BRIP1: variants seen among roughly 807,000 people sequenced by gnomAD.
BRIP1 encodes Fanconi anemia group J protein.
BRIP1 carries 88 observed loss-of-function variants against 119.7 expected under a neutral mutation model. The ratio of observed to expected loss-of-function variants is 0.74; its 90% CI spans 0.62 to 0.88. The LOEUF (loss-of-function observed/expected upper bound fraction) is 0.88. Ranked by LOEUF, BRIP1 falls within the 40% of genes least tolerant of loss-of-function variation. The pLI is 0.00. For missense variants in BRIP1, 1,259 were observed against 1,455.4 expected (o/e 0.87, Z 2.20); for synonymous variants, 443 against 496.5 (o/e 0.89, Z 1.43).
rs1189266014 is a variant in BRIP1, at chr17:61,810,336, C to T, written c.628-1579G>A. 6.6e-6 allele frequency among the ~76,000 whole-genome samples: 1 copy of T among 152,164 alleles called. No individual in the cohort carries two copies. The highest frequency in any genetic ancestry group is 1.5e-5 in the Non-Finnish European group (1 of 68,024). On this transcript the variant is annotated intron_variant, in intron 6 of 19. Transcript: ENST00000259008. This position sits in a 1 kb window ranked among gnomAD's most constrained non-coding sequence, Gnocchi z 4.7. ...ATATGTTGCAATATCCAACAATTTA[C>T]GGTCACAGAGAAAATGGAATGCAAA...
rs1396154767 is a variant in BRIP1, at chr17:61,726,439, C to T, written c.2380-10376G>A. ...TTGCTGCATGGTATGTGAAATAAGC[C>T]ATAAGGCTGTGGAGGCCATATAGTC... On this transcript the variant is annotated intron_variant, in intron 16 of 19. Coordinates refer to ENST00000259008, the MANE Select transcript of BRIP1 (RefSeq NM_032043.3). The surrounding 1 kb of genome is among the most constrained non-coding windows in gnomAD (Gnocchi z 6.2). 6.6e-6 allele frequency among the ~76,000 whole-genome samples: 1 copy of T among 152,140 alleles called. No individual in the cohort carries two copies. Among genetic ancestry groups the T allele is most frequent in the Non-Finnish European group, 1.5e-5 (1 of 68,022 alleles).
chr17:61,780,532 A>T lies in BRIP1; in HGVS notation c.1795-131T>A. The T allele has an allele frequency of 1.2e-6, 1 of 852,722 alleles. No individual in the cohort carries two copies. Among genetic ancestry groups the T allele is most frequent in the Non-Finnish European group, 1.9e-6 (1 of 525,398 alleles). 52.8% of individuals were successfully genotyped at this position (852,722 alleles called of 1,614,324 possible). On this transcript the variant is annotated intron_variant, in intron 12 of 19. Transcript: ENST00000259008. This position sits in a 1 kb window ranked among gnomAD's most constrained non-coding sequence, Gnocchi z 5.4. ...CGCTTGAGTCTAGGAGTCTGAGACC[A>T]GCCTGGGCAATATGGTGAAACCCCG...
rs771660599 is a variant in BRIP1, at chr17:61,834,377, G to A, written c.627+12724C>T. ...CCTGATTGCAGGAGTGAGCCACCACGCTCGGCCCAATAATTACGATTTTTT... is the reference window on the plus strand; with the variant it reads ...CCTGATTGCAGGAGTGAGCCACCACACTCGGCCCAATAATTACGATTTTTT... On this transcript the variant is annotated intron_variant, in intron 6 of 19. Transcript: ENST00000259008. This position sits in a 1 kb window ranked among gnomAD's most constrained non-coding sequence, Gnocchi z 4.4. Among the ~76,000 whole-genome samples, 16 of 151,998 alleles carry A rather than the reference G, an allele frequency of 1.1e-4. No homozygotes were observed. The highest frequency in any genetic ancestry group is 1.8e-4 in the Non-Finnish European group (12 of 67,998).
rs864622767 is a variant in BRIP1 at position 61,744,601 on chromosome 17, G to A, written c.2098-10C>T. ...TTAATTTTTCTAATAACTAAAGAGGGGAAAGAAAAAAATGATTTTTTGTGT... is the reference window on the plus strand; with the variant it reads ...TTAATTTTTCTAATAACTAAAGAGGAGAAAGAAAAAAATGATTTTTTGTGT... On this transcript the variant is annotated splice_polypyrimidine_tract_variant and intron_variant, in intron 14 of 19. Transcript: ENST00000259008. This position sits in a 1 kb window ranked among gnomAD's most constrained non-coding sequence, Gnocchi z 5.0. 1.9e-6 allele frequency: 3 copies of A among 1,610,862 alleles called. No homozygotes were observed. The highest frequency in any genetic ancestry group is 2.5e-6 in the Non-Finnish European group (3 of 1,177,546).
intron 6 of BRIP1, among the ~76,000 whole-genome samples, chr17:61,819,805 CTT>C (rs1447549514): frequency 1.3e-5 from 2 of 151,988 alleles, no homozygotes; most frequent in East Asian, 1.9e-4. Flanking sequence ...ATAAATAAGA[CTT>C]AGTATTTGCT....
intron 6 of BRIP1, among the ~76,000 whole-genome samples, chr17:61,840,170 C>A (rs1406763689): frequency 1.3e-5 from 2 of 151,868 alleles, no homozygotes; most frequent in Admixed American, 6.6e-5. Context: ...GCCAGCCTGG[C>A]CAACATGGTG....
Position 61,746,423 on chromosome 17 carries a change from TAAA to T in BRIP1, c.2098-1835_2098-1833del, listed in dbSNP as rs1362922647. 6.6e-6 allele frequency among the ~76,000 whole-genome samples: 1 copy of T among 152,056 alleles called. No homozygotes were observed. The highest frequency in any genetic ancestry group is 1.9e-4 in the East Asian group (1 of 5,186). ...AAAAGATATAAAGTAGCTGGATAGA[TAAA>T]AACGCTGTCTGCAAGTGACTCACTT... On this transcript the variant is annotated intron_variant, in intron 14 of 19. Coordinates refer to ENST00000259008, the MANE Select transcript of BRIP1 (RefSeq NM_032043.3). This position sits in a 1 kb window ranked among gnomAD's most constrained non-coding sequence, Gnocchi z 4.9.
rs938642056 is a variant in BRIP1 at position 61,823,189 on chromosome 17, G to A, written c.628-14432C>T. On this transcript the variant is annotated intron_variant, in intron 6 of 19. Coordinates refer to ENST00000259008, the MANE Select transcript of BRIP1 (RefSeq NM_032043.3). This position sits in a 1 kb window ranked among gnomAD's most constrained non-coding sequence, Gnocchi z 4.8. The stretch of plus-strand genomic sequence containing the variant: ...TCTGGCTTATAGTAGTTTTCACTTA[G>A]AACAATGCATATATTTGTTTAAGTT... 8.5e-5 allele frequency among the ~76,000 whole-genome samples: 13 copies of A among 152,152 alleles called. No individual in the cohort carries two copies. The highest frequency in any genetic ancestry group is 3.2e-3 in the Middle Eastern group (1 of 316).
At position 61,805,475 on chromosome 17, in the gene BRIP1, T is replaced by C. The variant is rs532665738; in HGVS notation, c.918+2992A>G. On this transcript the variant is annotated intron_variant, in intron 7 of 19. Transcript: ENST00000259008. This position sits in a 1 kb window ranked among gnomAD's most constrained non-coding sequence, Gnocchi z 5.6. ...CTTCTCCCTACCTCAATGCCATCTT[T>C]GGATTTTGTTTCTAGTGTAACCAAA... is the stretch of plus-strand genomic sequence containing the variant. 1.3e-5 allele frequency among the ~76,000 whole-genome samples: 2 copies of C among 152,332 alleles called. No homozygotes were observed. The highest frequency in any genetic ancestry group is 4.8e-5 in the African/African-American group (2 of 41,582).
At chr17:61,764,645 C>A (rs1342822789) in intron 14 of BRIP1, among the ~76,000 whole-genome samples, 1 of 152,144 alleles carries the variant, frequency 6.6e-6, no homozygotes, top group Non-Finnish European at 1.5e-5. Context: ...ACAACTAGAA[C>A]CTCCAAGTTT....
chr17:61,861,556 T>C lies in BRIP1; in HGVS notation c.-17A>G, dbSNP rs2078974225. The C allele has an allele frequency of 6.4e-7, 1 of 1,563,496 alleles. No individual in the cohort carries two copies. Among genetic ancestry groups the C allele is most frequent in the Non-Finnish European group, 8.8e-7 (1 of 1,134,152 alleles). Reference sequence around the variant, plus strand: ...TGAAGACATAGTGCTTTCCTGTTTATTTCAGATTCCTAACTACAACAGAAA... The same window carrying C: ...TGAAGACATAGTGCTTTCCTGTTTACTTCAGATTCCTAACTACAACAGAAA... On this transcript the variant is annotated 5_prime_UTR_variant, in exon 2 of 20. Transcript: ENST00000259008. The surrounding 1 kb of genome is among the most constrained non-coding windows in gnomAD (Gnocchi z 4.5).
chr17:61,812,989 C>T (rs900385699), intron 6 of BRIP1, among the ~76,000 whole-genome samples: 1 of 152,076 alleles, frequency 6.6e-6, no homozygotes, highest in African/African-American at 2.4e-5. Flanking sequence ...CAAAAAAATA[C>T]TATGCCTAAA....
In BRIP1 at chr17:61,683,675, T is replaced by C. The variant is rs1064793894; in HGVS notation, c.3371A>G (p.Glu1124Gly). 1.2e-6 allele frequency: 2 copies of C among 1,613,784 alleles called. No homozygotes were observed. The highest frequency in any genetic ancestry group is 1.7e-6 in the Non-Finnish European group (2 of 1,180,020). ...QSTSNRDFETEAEDESIYFTP... is the reference protein window; with the variant it reads ...QSTSNRDFETGAEDESIYFTP... ...AAAATAGATAGATTCATCTTCTGCT[T>C]CTGTTTCAAAATCTCTATTTGAAGT... Residue 1124 changes from glutamate (E) to glycine (G), a missense_variant, in exon 20 of 20, where the codon GAA becomes GGA. Physicochemically the swap from Glu to Gly is moderately conservative, Grantham distance 98. Coordinates refer to ENST00000259008, the MANE Select transcript of BRIP1 (RefSeq NM_032043.3). This position sits in a 1 kb window ranked among gnomAD's most constrained non-coding sequence, Gnocchi z 4.7.
In BRIP1 at chr17:61,806,991, C is replaced by A. The variant is rs1281326565; in HGVS notation, c.918+1476G>T. ...TACAGGCATGAACCATCAGGCCCAG[C>A]CAATGTATTTTTTACAAATACATAA... On this transcript the variant is annotated intron_variant, in intron 7 of 19. Transcript: ENST00000259008. This position sits in a 1 kb window ranked among gnomAD's most constrained non-coding sequence, Gnocchi z 4.9. Among the ~76,000 whole-genome samples the A allele has an allele frequency of 6.6e-6, 1 of 152,170 alleles. No individual in the cohort carries two copies. Among genetic ancestry groups the A allele is most frequent in the African/African-American group, 2.4e-5 (1 of 41,438 alleles).
rs557897912 is a variant in BRIP1 at position 61,846,392 on chromosome 17, CT to C, written c.627+708del. ...CCAAAAGGCAATAATGTATTTTTTC[CT>C]TTTTTTTTTTGAGACGGGGTCTCAC... On this transcript the variant is annotated intron_variant, in intron 6 of 19. Transcript: ENST00000259008. The surrounding 1 kb of genome is among the most constrained non-coding windows in gnomAD (Gnocchi z 4.3). Among the ~76,000 whole-genome samples the C allele has an allele frequency of 7.2e-3, 1,043 of 144,756 alleles. 8 individuals are homozygous for C. Among genetic ancestry groups the C allele is most frequent in the Non-Finnish European group, 0.012 (774 of 65,498 alleles). 95.0% of individuals were successfully genotyped at this position (144,756 alleles called of 152,430 possible).
Position 61,853,009 on chromosome 17 carries a change from C to T in BRIP1, c.380-3753G>A, listed in dbSNP as rs571662361. Among the ~76,000 whole-genome samples, 26 of 152,172 alleles carry T rather than the reference C, an allele frequency of 1.7e-4. No homozygotes were observed. Among genetic ancestry groups the T allele is most frequent in the Admixed American group, 5.9e-4 (9 of 15,270 alleles). ...GGTATGTGTCTACAGACAATACTTA[C>T]CTATTTGCACCCTTTGAACAAGAAT... On this transcript the variant is annotated intron_variant, in intron 4 of 19. Transcript: ENST00000259008. The surrounding 1 kb of genome is among the most constrained non-coding windows in gnomAD (Gnocchi z 4.3).
At chr17:61,812,020 T>C (rs573217441) in intron 6 of BRIP1, among the ~76,000 whole-genome samples, 2 of 152,104 alleles carry the variant, frequency 1.3e-5, no homozygotes, top group Non-Finnish European at 2.9e-5. Flanking sequence ...ATTGTAGTAA[T>C]ATAACAAAGG....
At position 61,726,074 on chromosome 17, in the gene BRIP1, G is replaced by T. The variant is rs1329265605; in HGVS notation, c.2380-10011C>A. On this transcript the variant is annotated intron_variant, in intron 16 of 19. Transcript: ENST00000259008. This position sits in a 1 kb window ranked among gnomAD's most constrained non-coding sequence, Gnocchi z 6.2. ...TGTTATAGTTTATTTTGAGGAAGAA[G>T]GTATAATGGAAAAAAAGAAAAAGCA... is the stretch of plus-strand genomic sequence containing the variant. 6.6e-6 allele frequency among the ~76,000 whole-genome samples: 1 copy of T among 152,128 alleles called. No individual in the cohort carries two copies. The highest frequency in any genetic ancestry group is 1.5e-5 in the Non-Finnish European group (1 of 68,022).
rs1166471447 is a variant in BRIP1 at position 61,830,638 on chromosome 17, C to T, written c.627+16463G>A. Among the ~76,000 whole-genome samples the T allele has an allele frequency of 5.3e-5, 8 of 152,092 alleles. No homozygotes were observed. The East Asian group carries it at 1.3e-3, about 26-fold the overall frequency. Reference sequence around the variant, plus strand: ...GACTCAGAAACAGAAAATGTGAATACTCCTATACTCATTTTTAAAATTAAA... The same window carrying T: ...GACTCAGAAACAGAAAATGTGAATATTCCTATACTCATTTTTAAAATTAAA... On this transcript the variant is annotated intron_variant, in intron 6 of 19. Coordinates refer to ENST00000259008, the MANE Select transcript of BRIP1 (RefSeq NM_032043.3).
Sources: gnomAD v4.1 joint callset for allele counts (sites outside exome capture counted in the v4.1 genomes callset) on GRCh38, gnomAD v4.1.1 for gene constraint, Gnocchi (gnomAD v3.1) non-coding constraint, MANE v1.5 for transcripts, NCBI Gene and HGNC (gene_info 2026-07-23, HGNC 2026-07-21) for gene names.